ADGRV1: variants seen among roughly 807,000 people sequenced by gnomAD.
ADGRV1 encodes the protein adhesion G protein-coupled receptor V1.
In ADGRV1, 359 loss-of-function variants were observed where a neutral mutation model predicts 596.2. The observed-to-expected ratio is 0.60, with a 90% CI of 0.55 to 0.66. The LOEUF is 0.66. Ranked by LOEUF, ADGRV1 falls within the 30% of genes least tolerant of loss-of-function variation. The pLI is 0.00. For synonymous variants in ADGRV1, 2,681 were observed against 2,679.2 expected (o/e 1.00, Z -0.02); for missense variants, 7,274 against 7,575.6 (o/e 0.96, Z 1.48).
chr5:90,645,757 A>G (rs1036846244), intron 15 of ADGRV1, among the ~76,000 whole-genome samples: 2 of 152,192 alleles, frequency 1.3e-5, no homozygotes, highest in African/African-American at 2.4e-5. Context: ...AGTCTAAATG[A>G]AGTGGCTGTT....
intron 50 of ADGRV1, among the ~76,000 whole-genome samples, chr5:90,730,761 G>A (rs183181546): frequency 6.6e-6 from 1 of 152,296 alleles, no homozygotes; most frequent in South Asian, 2.1e-4. Context: ...GGCTCATGGG[G>A]TGGGTGTTCA....
intron 39 of ADGRV1, among the ~76,000 whole-genome samples, chr5:90,709,904 G>A (rs1749110735): frequency 6.6e-6 from 1 of 152,140 alleles, no homozygotes; most frequent in Non-Finnish European, 1.5e-5. Context: ...CCTATTTCAA[G>A]TGCTTTGTAG....
chr5:90,725,894 T>A lies in ADGRV1; in HGVS notation c.10161+238T>A, dbSNP rs189477985. 3.9e-5 allele frequency among the ~76,000 whole-genome samples: 6 copies of A among 152,310 alleles called. No homozygotes were observed. In the East Asian group the frequency reaches 1.2e-3, roughly 29 times the overall value. ...TGTAACAATAAAAATGAACATTTAA[T>A]TAGAATTTAACTGAATTGCAAAACA... On this transcript the variant is annotated intron_variant, in intron 48 of 89. Transcript: ENST00000405460.
rs777193070 is a variant in ADGRV1 at position 90,711,438 on chromosome 5, A to AT, written c.9042+121dup. The AT allele has an allele frequency of 2.6e-4, 194 of 742,202 alleles. 1 individual carries two copies. Among genetic ancestry groups the AT allele is most frequent in the African/African-American group, 5.4e-4 (30 of 55,264 alleles). The allele number at this position is 742,202 out of a possible 1,614,324, so 46.0% of individuals were successfully genotyped here. On this transcript the variant is annotated intron_variant, in intron 41 of 89. Transcript: ENST00000405460. ...ATAAATTATTCTTAAAAACCATTGT[A>AT]TTTTTCACAGTAAATTAGGACAGAA... is the stretch of plus-strand genomic sequence containing the variant.
At chr5:90,731,213 T>G (rs1580913334) in intron 50 of ADGRV1, among the ~76,000 whole-genome samples, 1 of 151,966 alleles carries the variant, frequency 6.6e-6, no homozygotes, top group African/African-American at 2.4e-5. Flanking sequence ...GGCAGAAGGG[T>G]GAAGGGGAAG....
At chr5:90,771,411 A>C (rs1338349550) in intron 59 of ADGRV1, among the ~76,000 whole-genome samples, 1 of 152,216 alleles carries the variant, frequency 6.6e-6, no homozygotes, top group Non-Finnish European at 1.5e-5. Context: ...GAGGATAATA[A>C]GGCTTAATCT....
chr5:90,618,376 C>T (rs1763634184), intron 3 of ADGRV1, among the ~76,000 whole-genome samples: 1 of 152,116 alleles, frequency 6.6e-6, no homozygotes, highest in South Asian at 2.1e-4. Flanking sequence ...GGAGAAAAAC[C>T]TGAATAGCCT....
In ADGRV1 at chr5:91,112,664, T is replaced by A. The variant is rs150966130; in HGVS notation, c.18432+10324T>A. Among the ~76,000 whole-genome samples the A allele has an allele frequency of 5.4e-3, 827 of 152,254 alleles. 10 individuals are homozygous for A. Among genetic ancestry groups the A allele is most frequent in the Non-Finnish European group, 8.6e-3 (584 of 68,008 alleles). On this transcript the variant is annotated intron_variant, in intron 87 of 89. Transcript: ENST00000405460. The stretch of plus-strand genomic sequence containing the variant: ...ATTCTTCTCTCTCATATTACTCAAA[T>A]GTTGGGGTGGGGAGAATACATTTTT...
At chr5:90,674,774 T>C (rs184684219) in intron 23 of ADGRV1, 2 of 154,728 alleles carry the variant, frequency 1.3e-5, no homozygotes, top group East Asian at 3.8e-4. Context: ...AAGGTTTGGG[T>C]AGAAATCTTG....
At chr5:91,038,674 T>C (rs948984098) in intron 85 of ADGRV1, among the ~76,000 whole-genome samples, 2 of 152,160 alleles carry the variant, frequency 1.3e-5, no homozygotes, top group African/African-American at 4.8e-5. Flanking sequence ...ATCTCATAAA[T>C]TCACTTCTAT....
intron 50 of ADGRV1, among the ~76,000 whole-genome samples, chr5:90,744,792 G>A (rs1452924211): frequency 6.6e-6 from 1 of 152,072 alleles, no homozygotes; most frequent in Non-Finnish European, 1.5e-5. Flanking sequence ...AATTAGTTTC[G>A]GTTTTAGCAG....
In ADGRV1 at chr5:90,778,390, C is replaced by T. The variant is rs181616038; in HGVS notation, c.12667-37C>T. Reference sequence around the variant, plus strand: ...GTTAGGAGTTTTTCTTGAAATTCCACAGATTCTACTGTTGATGACTCTTTG... The same window carrying T: ...GTTAGGAGTTTTTCTTGAAATTCCATAGATTCTACTGTTGATGACTCTTTG... On this transcript the variant is annotated intron_variant, in intron 62 of 89. Transcript: ENST00000405460. 7 of 1,573,310 alleles carry T rather than the reference C, an allele frequency of 4.4e-6. No homozygotes were observed. The African/African-American group carries it at 6.8e-5, about 15-fold the overall frequency.
chr5:91,086,007 A>T (rs75114271), intron 86 of ADGRV1, among the ~76,000 whole-genome samples: 1 of 152,060 alleles, frequency 6.6e-6, no homozygotes, highest in African/African-American at 2.4e-5. Context: ...TCTCATCTGC[A>T]TATCCTTCAA....
chr5:91,038,623 G>A (rs1300466197), intron 85 of ADGRV1, among the ~76,000 whole-genome samples: 1 of 152,202 alleles, frequency 6.6e-6, no homozygotes, highest in Non-Finnish European at 1.5e-5. Flanking sequence ...AACTGTGCAG[G>A]CAGAGTGCCT....
intron 75 of ADGRV1, among the ~76,000 whole-genome samples, chr5:90,816,110 A>G (rs1389423641): frequency 1.3e-5 from 2 of 152,206 alleles, no homozygotes; most frequent in Non-Finnish European, 2.9e-5. Context: ...TGCTCATCAC[A>G]TACACGTGCT....
intron 85 of ADGRV1, among the ~76,000 whole-genome samples, chr5:91,043,920 T>A (rs1444502378): frequency 6.6e-6 from 1 of 151,974 alleles, no homozygotes; most frequent in Non-Finnish European, 1.5e-5. Flanking sequence ...TTATATTTTA[T>A]ATTTATTTTA....
At chr5:90,683,485 A>G (rs1745207730) in intron 27 of ADGRV1, 101 bp from the exon 28 acceptor site, 1 of 963,120 alleles carries the variant, frequency 1.0e-6, no homozygotes, top group Non-Finnish European at 1.5e-6. Flanking sequence ...AAGAACTTAT[A>G]TAAAATAAAA....
At chr5:90,741,181 TC>T (rs1753919709) in intron 50 of ADGRV1, among the ~76,000 whole-genome samples, 1 of 152,168 alleles carries the variant, frequency 6.6e-6, no homozygotes, top group Admixed American at 6.5e-5. Context: ...TACCACATTC[TC>T]CCAGTCCCCA....
chr5:91,067,546 T>C (rs968193406), intron 85 of ADGRV1, among the ~76,000 whole-genome samples: 7 of 152,196 alleles, frequency 4.6e-5, no homozygotes, highest in African/African-American at 1.4e-4. Flanking sequence ...AAGGTTCACA[T>C]TGCTTGTTTA....
Sources: gnomAD v4.1 joint callset for allele counts (sites outside exome capture counted in the v4.1 genomes callset) on GRCh38, gnomAD v4.1.1 for gene constraint, MANE v1.5 for transcripts, NCBI Gene and HGNC (gene_info 2026-07-23, HGNC 2026-07-21) for gene names.